Variants in NUDC observed in about 807,000 individuals in gnomAD.
NUDC encodes the protein nuclear distribution C, dynein complex regulator.
Under a neutral mutation model 45.0 loss-of-function variants are expected in NUDC, and 14 were observed. That is an observed-to-expected ratio of 0.31 (90% CI 0.21 to 0.49). The LOEUF (loss-of-function observed/expected upper bound fraction) is 0.49. Ranked by LOEUF, NUDC falls within the 20% of genes least tolerant of loss-of-function variation. NUDC has a pLI of 0.99. For synonymous variants in NUDC, 153 were observed against 156.7 expected (o/e 0.98, Z 0.17); for missense variants, 323 against 426.2 (o/e 0.76, Z 2.13).
At chr1:26,900,966 A>G (rs2081976029) in intron 1 of NUDC, among the ~76,000 whole-genome samples, 1 of 152,194 alleles carries the variant, frequency 6.6e-6, no homozygotes, top group Non-Finnish European at 1.5e-5. Flanking sequence ...ACAACTCAAT[A>G]ATAAAAGAAA....
intron 1 of NUDC, chr1:26,922,298 C>T (rs1416627428): frequency 2.9e-6 from 1 of 350,276 alleles, no homozygotes; most frequent in African/African-American, 2.2e-5. Flanking sequence ...GGCGAGCCGT[C>T]GAATGTGTGT....
intron 2 of NUDC, among the ~76,000 whole-genome samples, chr1:26,904,350 A>G (rs2081993726): frequency 6.6e-6 from 1 of 151,776 alleles, no homozygotes; most frequent in Non-Finnish European, 1.5e-5. Flanking sequence ...TTGTATTTTT[A>G]GTAGAGACGG....
At chr1:26,904,069 TACAAAA>T (rs1003892489) in intron 2 of NUDC, among the ~76,000 whole-genome samples, 7 of 121,292 alleles carry the variant, frequency 5.8e-5, no homozygotes, top group African/African-American at 1.3e-4. Context: ...TAAATAAAAA[TACAAAA>T]ATAAAAATAA....
At chr1:26,903,081 C>T (rs1337372709) in intron 2 of NUDC, among the ~76,000 whole-genome samples, 1 of 151,934 alleles carries the variant, frequency 6.6e-6, no homozygotes, top group Non-Finnish European at 1.5e-5. Context: ...TAAAATCTCT[C>T]CTTACCAAGC....
chr1:26,906,860 T>A (rs1192068970), intron 2 of NUDC, among the ~76,000 whole-genome samples: 1 of 151,784 alleles, frequency 6.6e-6, no homozygotes, highest in African/African-American at 2.4e-5. Context: ...AAAAAAATAA[T>A]AATAATAAAA....
intron 6 of NUDC, 73 bp downstream of exon 6, chr1:26,943,138 C>G: frequency 6.7e-7 from 1 of 1,492,774 alleles, no homozygotes; most frequent in Non-Finnish European, 9.3e-7. Context: ...TTAGTTTACT[C>G]AGGAGCCATG....
upstream of NUDC, among the ~76,000 whole-genome samples, chr1:26,918,472 T>A (rs957282185): frequency 6.6e-6 from 1 of 151,814 alleles, no homozygotes; most frequent in Non-Finnish European, 1.5e-5. Flanking sequence ...GATGGGGTTT[T>A]ACCATTTTGG....
At chr1:26,937,483 C>T (rs4539160) in intron 2 of NUDC, among the ~76,000 whole-genome samples, 6,414 of 151,994 alleles carry the variant, frequency 0.042, 427 homozygotes, top group African/African-American at 0.15. Flanking sequence ...GGTCTCACCA[C>T]GTTGCCCAGG....
chr1:26,938,665 A>G (rs1022523628), intron 2 of NUDC, among the ~76,000 whole-genome samples: 19 of 152,200 alleles, frequency 1.2e-4, no homozygotes, highest in African/African-American at 4.3e-4. Context: ...TCCACAGGGC[A>G]TTTAGCAGAA....
chr1:26,934,464 C>T (rs1333066057), intron 2 of NUDC, among the ~76,000 whole-genome samples: 1 of 152,114 alleles, frequency 6.6e-6, no homozygotes, highest in Non-Finnish European at 1.5e-5. Context: ...ATCATTCTGC[C>T]CCTGGTACCC....
chr1:26,905,156 T>A (rs2081997568), intron 2 of NUDC, among the ~76,000 whole-genome samples: 1 of 120,464 alleles, frequency 8.3e-6, no homozygotes, highest in East Asian at 2.4e-4. Flanking sequence ...TTATTATTAT[T>A]ATTTTTTTTT....
intron 2 of NUDC, among the ~76,000 whole-genome samples, chr1:26,936,134 A>AACATATATATATATATAT (rs1553163907): frequency 2.9e-4 from 2 of 6,812 alleles, no homozygotes; most frequent in Non-Finnish European, 5.6e-4. Flanking sequence ...ACGCCCGGCT[A>AACATATATATATATATAT]ATATATATAT....
chr1:26,943,406 G>GGGGGTCTCACTATATTTCCCAGGCT (rs2082295150), intron 6 of NUDC, among the ~76,000 whole-genome samples: 1 of 152,030 alleles, frequency 6.6e-6, no homozygotes, highest in African/African-American at 2.4e-5. Flanking sequence ...GTAGAGACCG[G>GGGGGTCTCACTATATTTCCCAGGCT]GGGGTCTCAC....
chr1:26,931,450 T>G lies in NUDC; in HGVS notation c.159+7284T>G, dbSNP rs2082183237. 4.1e-5 allele frequency among the ~76,000 whole-genome samples: 6 copies of G among 147,656 alleles called. No homozygotes were observed. In the Admixed American group the frequency reaches 4.1e-4, roughly 10 times the overall value. ...CAGGTTGGAGTGCAGTGGCACCATT[T>G]CGGCTCACTGCAACCTGTGCCTCCT... On this transcript the variant is annotated intron_variant, in intron 2 of 8. Coordinates refer to ENST00000321265, the MANE Select transcript of NUDC (RefSeq NM_006600.4).
At chr1:26,943,172 T>G (rs1332767616) in intron 6 of NUDC, 107 bp downstream of exon 6, 2 of 1,138,968 alleles carry the variant, frequency 1.8e-6, no homozygotes, top group Non-Finnish European at 2.7e-6. Context: ...GGGATTATCT[T>G]AATCCCCATG....
At position 26,945,596 on chromosome 1, in the gene NUDC, G is replaced by C; in HGVS notation, c.854G>C (p.Ser285Thr). 6.2e-7 allele frequency: 1 copy of C among 1,614,198 alleles called. No homozygotes were observed. Among genetic ancestry groups the C allele is most frequent in the Non-Finnish European group, 8.5e-7 (1 of 1,180,018 alleles). Residue 285 changes from serine (S) to threonine (T), a missense_variant, in exon 8 of 9, where the codon AGC becomes ACC. Ser to Thr is a moderately conservative substitution (Grantham distance 58). Around this residue, in one of 3 missense-constraint regions of NUDC, gnomAD observed 54 missense variants for 100.2 expected, o/e 0.54. Coordinates refer to ENST00000321265, the MANE Select transcript of NUDC (RefSeq NM_006600.4). ...KLSDLDSETRSMVEKMMYDQR... is the reference protein window; with the variant it reads ...KLSDLDSETRTMVEKMMYDQR... Reference sequence around the variant, plus strand: ...TCAGACCTGGACAGTGAGACTCGCAGCATGGTGGAAAAGATGATGTATGAC... The same window carrying C: ...TCAGACCTGGACAGTGAGACTCGCACCATGGTGGAAAAGATGATGTATGAC...
intron 2 of NUDC, among the ~76,000 whole-genome samples, chr1:26,931,628 A>C (rs2124113678): frequency 6.7e-6 from 1 of 149,362 alleles, no homozygotes; most frequent in South Asian, 2.1e-4. Context: ...AAAATACAAA[A>C]ATTAGCCGGG....
At chr1:26,944,223 T>G (rs745792375) in intron 6 of NUDC, among the ~76,000 whole-genome samples, 4 of 152,040 alleles carry the variant, frequency 2.6e-5, no homozygotes, top group South Asian at 4.2e-4. Context: ...TTATTTTTTA[T>G]TTTTTGAGAC....
At chr1:26,932,270 G>A (rs570467090) in intron 2 of NUDC, among the ~76,000 whole-genome samples, 41 of 150,054 alleles carry the variant, frequency 2.7e-4, no homozygotes, top group Non-Finnish European at 3.7e-4. Context: ...TCTGCCTTCC[G>A]GGTTCAAGCG....
Sources: allele counts gnomAD v4.1 joint callset (sites outside exome capture counted in the v4.1 genomes callset), GRCh38; gene constraint gnomAD v4.1.1; regional missense constraint gnomAD v4.1.1; transcripts MANE v1.5; gene names NCBI Gene and HGNC (gene_info 2026-07-23, HGNC 2026-07-21).